SGK1: variants seen among roughly 807,000 people sequenced by gnomAD.
SGK1 encodes the protein serine/threonine-protein kinase Sgk1.
In SGK1, 26 loss-of-function variants were observed where a neutral mutation model predicts 64.2. The ratio of observed to expected loss-of-function variants is 0.40; its 90% CI spans 0.30 to 0.56. The LOEUF (loss-of-function observed/expected upper bound fraction) is 0.56. SGK1 is among the 20% of genes least tolerant of loss of function. SGK1 has a pLI of 0.38. For synonymous variants in SGK1, 265 were observed against 239.7 expected (o/e 1.11, Z -0.98); for missense variants, 519 against 645.6 (o/e 0.80, Z 2.12).
chr6:134,238,941 C>T (rs1776403676), intron 2 of SGK1, among the ~76,000 whole-genome samples: 1 of 152,184 alleles, frequency 6.6e-6, no homozygotes, highest in African/African-American at 2.4e-5. Context: ...TAGGGTTTAA[C>T]TATTAAACTG....
intron 2 of SGK1, among the ~76,000 whole-genome samples, chr6:134,241,048 CTTTTTTTT>C (rs10686058): frequency 6.8e-4 from 50 of 74,074 alleles, no homozygotes; most frequent in Non-Finnish European, 1.4e-3. Flanking sequence ...TTCTTTTTTT[CTTTTTTTT>C]TTTTTTTTTT....
At chr6:134,282,436 G>A (rs1413592672) in intron 1 of SGK1, among the ~76,000 whole-genome samples, 1 of 152,120 alleles carries the variant, frequency 6.6e-6, no homozygotes, top group Non-Finnish European at 1.5e-5. Flanking sequence ...CGGATCACTT[G>A]AGGTCAGGAG....
In SGK1 at chr6:134,193,179, A is replaced by G. The variant is rs140269518; in HGVS notation, c.361+14177T>C. On this transcript the variant is annotated intron_variant, in intron 3 of 13. Coordinates refer to ENST00000367858, the MANE Select transcript of SGK1 (RefSeq NM_001143676.3). ...ACCTGAAGTCACCTCTGTTCCTTGA[A>G]TCTCTACCTGATTGCAGCTCAGCTT... is the stretch of plus-strand genomic sequence containing the variant. Among the ~76,000 whole-genome samples, 119 of 152,298 alleles carry G rather than the reference A, an allele frequency of 7.8e-4. 1 individual carries two copies. In the East Asian group the frequency reaches 0.014, roughly 18 times the overall value.
chr6:134,234,388 G>A (rs1776333239), intron 2 of SGK1, among the ~76,000 whole-genome samples: 1 of 152,142 alleles, frequency 6.6e-6, no homozygotes, highest in African/African-American at 2.4e-5. Context: ...GGGCAAGAGA[G>A]CAAGGCTCTA....
rs752608072 is a variant in SGK1, at chr6:134,170,931, C to A, written c.1324-16G>T. The A allele has an allele frequency of 6.2e-7, 1 of 1,608,748 alleles. No homozygotes were observed. The highest frequency in any genetic ancestry group is 1.1e-5 in the South Asian group (1 of 90,880). On this transcript the variant is annotated splice_polypyrimidine_tract_variant and intron_variant, in intron 12 of 13. Transcript: ENST00000367858. ...TAATCTCCATCTGTTGATAAGAAAC[C>A]CAAGATTAATTTAGACAGGTGCATT...
chr6:134,220,707 CATCAACAT>C (rs149316741), intron 2 of SGK1, among the ~76,000 whole-genome samples: 1,930 of 152,180 alleles, frequency 0.013, 44 homozygotes, highest in African/African-American at 0.044. Flanking sequence ...CATTTTGTAC[CATCAACAT>C]GTCAACAGGA....
chr6:134,278,102 C>T (rs1206634958), intron 1 of SGK1, among the ~76,000 whole-genome samples: 4 of 152,148 alleles, frequency 2.6e-5, no homozygotes, highest in African/African-American at 4.8e-5. Flanking sequence ...CAAAGCTCTT[C>T]GTTCCCTGAA....
chr6:134,308,280 C>T (rs1208766844), intron 1 of SGK1, among the ~76,000 whole-genome samples: 3 of 152,110 alleles, frequency 2.0e-5, no homozygotes, highest in African/African-American at 4.8e-5. Context: ...ATACATATTC[C>T]GATTTATTTT....
At chr6:134,200,194 T>C (rs1430797940) in intron 3 of SGK1, among the ~76,000 whole-genome samples, 1 of 152,218 alleles carries the variant, frequency 6.6e-6, no homozygotes, top group Non-Finnish European at 1.5e-5. Context: ...CCTGTTTGCT[T>C]ACTGTCTGAA....
At chr6:134,294,982 G>A (rs1017758156) in intron 1 of SGK1, among the ~76,000 whole-genome samples, 1 of 152,186 alleles carries the variant, frequency 6.6e-6, no homozygotes, top group Admixed American at 6.5e-5. Flanking sequence ...TGACAAAATT[G>A]CAGGTCCTGG....
At chr6:134,177,213 A>AAAAC (rs146227673) in intron 3 of SGK1, among the ~76,000 whole-genome samples, 13 of 149,234 alleles carry the variant, frequency 8.7e-5, no homozygotes, top group African/African-American at 3.0e-4. Flanking sequence ...ACTCCGTCTC[A>AAAAC]AAACAAACAA....
At chr6:134,289,915 G>A (rs1582766407) in intron 1 of SGK1, among the ~76,000 whole-genome samples, 1 of 152,102 alleles carries the variant, frequency 6.6e-6, no homozygotes, top group East Asian at 1.9e-4. Context: ...TTGGGAGGCT[G>A]AGGCGGGTGG....
intron 2 of SGK1, among the ~76,000 whole-genome samples, chr6:134,229,804 TAGTC>T (rs1385282849): frequency 2.6e-5 from 4 of 152,172 alleles, no homozygotes; most frequent in African/African-American, 9.7e-5. Flanking sequence ...CTGTAGAGAA[TAGTC>T]AGAATGAGGC....
intron 1 of SGK1, among the ~76,000 whole-genome samples, 161 bp from the exon 2 acceptor site, chr6:134,262,309 T>C (rs978782334): frequency 1.3e-5 from 2 of 152,330 alleles, no homozygotes; most frequent in South Asian, 2.1e-4. Context: ...AATTGGTCAA[T>C]GCTGTTCAGT....
intron 2 of SGK1, among the ~76,000 whole-genome samples, chr6:134,240,204 A>G (rs1776422058): frequency 6.6e-6 from 1 of 151,288 alleles, no homozygotes; most frequent in African/African-American, 2.4e-5. Context: ...AGGCAGGAGA[A>G]TCGCTTGAAC....
intron 8 of SGK1, 48 bp downstream of exon 8, chr6:134,172,975 C>T: frequency 6.4e-7 from 1 of 1,566,776 alleles, no homozygotes; most frequent in South Asian, 1.2e-5. Flanking sequence ...TAAAACAAAG[C>T]AGGCTGTGCA....
At chr6:134,277,398 G>A (rs1278752347) in intron 1 of SGK1, among the ~76,000 whole-genome samples, 3 of 152,186 alleles carry the variant, frequency 2.0e-5, no homozygotes, top group African/African-American at 7.2e-5. Context: ...AGTCTTACCA[G>A]TGGCTTTTAA....
intron 2 of SGK1, among the ~76,000 whole-genome samples, chr6:134,248,470 T>C (rs1173799931): frequency 8.4e-6 from 1 of 119,540 alleles, no homozygotes; most frequent in Non-Finnish European, 1.7e-5. Flanking sequence ...TTTTTTTTTT[T>C]AGATGGAGAG....
intron 1 of SGK1, chr6:134,298,645 G>A (rs993334147): frequency 2.3e-5 from 31 of 1,324,956 alleles, no homozygotes; most frequent in African/African-American, 1.9e-4. Flanking sequence ...CTGAAGGCCC[G>A]GGGGCCAGAG....
Sources: gnomAD v4.1 joint callset for allele counts (sites outside exome capture counted in the v4.1 genomes callset) on GRCh38, gnomAD v4.1.1 for gene constraint, MANE v1.5 for transcripts, NCBI Gene and HGNC (gene_info 2026-07-23, HGNC 2026-07-21) for gene names.